SRGAP3: variants seen among roughly 807,000 people sequenced by gnomAD.
The protein encoded by SRGAP3 is SLIT-ROBO Rho GTPase-activating protein 3.
A neutral mutation model predicts 121.1 loss-of-function variants in SRGAP3; 39 were observed. The observed-to-expected ratio is 0.32, with a 90% CI of 0.25 to 0.42. The LOEUF is 0.42. Ranked by LOEUF, SRGAP3 falls within the 10% of genes least tolerant of loss-of-function variation. The pLI is 1.00. For missense variants in SRGAP3, 1,213 were observed against 1,470.6 expected (o/e 0.82, Z 2.86); for synonymous variants, 601 against 570.0 (o/e 1.05, Z -0.77).
At chr3:9,279,119 G>T (rs568245951) in intron 3 of SRGAP3, among the ~76,000 whole-genome samples, 1 of 152,186 alleles carries the variant, frequency 6.6e-6, no homozygotes, top group South Asian at 2.1e-4. Flanking sequence ...AAAAAAAAAG[G>T]GGGGGATATA....
chr3:9,023,301 A>G (rs1171057512), intron 14 of SRGAP3, among the ~76,000 whole-genome samples: 2 of 152,216 alleles, frequency 1.3e-5, no homozygotes, highest in African/African-American at 4.8e-5. Context: ...AGCTGGGGAA[A>G]ATGAAGAAAC....
intron 3 of SRGAP3, among the ~76,000 whole-genome samples, chr3:9,318,309 C>G (rs1252008911): frequency 6.6e-6 from 1 of 151,890 alleles, no homozygotes; most frequent in African/African-American, 2.4e-5. Flanking sequence ...AACCCAGAAT[C>G]TACCGGCTTA....
At chr3:8,992,715 C>T in intron 20 of SRGAP3, 191 bp downstream of exon 20, 1 of 851,756 alleles carries the variant, frequency 1.2e-6, no homozygotes, top group Non-Finnish European at 1.9e-6. Context: ...CCCTGCAACA[C>T]AGGCTGGATG....
intron 3 of SRGAP3, among the ~76,000 whole-genome samples, chr3:9,080,617 T>G (rs1423614928): frequency 1.3e-5 from 2 of 152,084 alleles, no homozygotes; most frequent in Non-Finnish European, 2.9e-5. Flanking sequence ...AGGCCACAGA[T>G]CAGTCCATGG....
At chr3:8,990,910 C>T in intron 20 of SRGAP3, 71 bp from the exon 21 acceptor site, 9 of 1,331,138 alleles carry the variant, frequency 6.8e-6, no homozygotes, top group Non-Finnish European at 9.0e-6. Context: ...ATGGGTGAGT[C>T]AACCCCATGC....
chr3:9,181,301 A>AAGG lies in SRGAP3; in HGVS notation c.68-56387_68-56385dup, dbSNP rs572217692. 1.8e-4 allele frequency among the ~76,000 whole-genome samples: 28 copies of AAGG among 152,310 alleles called. No individual in the cohort carries two copies. In the South Asian group the frequency reaches 4.8e-3, roughly 26 times the overall value. Reference sequence around the variant, plus strand: ...GCCATTTCTTTGGTTTAAGGCATTGAAGGGCCAGCCAAATGGGAAGGTAAT... The same window carrying AAGG: ...GCCATTTCTTTGGTTTAAGGCATTGAAGGAGGGCCAGCCAAATGGGAAGGTAAT... On this transcript the variant is annotated intron_variant, in intron 1 of 21. Coordinates refer to ENST00000383836, the MANE Select transcript of SRGAP3 (RefSeq NM_014850.4).
At chr3:9,147,136 G>T (rs1397677768) in intron 1 of SRGAP3, among the ~76,000 whole-genome samples, 1 of 152,154 alleles carries the variant, frequency 6.6e-6, no homozygotes, top group Non-Finnish European at 1.5e-5. Flanking sequence ...TGAAGTTCAG[G>T]GAGATTAAAT....
At position 9,160,632 on chromosome 3, in the gene SRGAP3, AC is replaced by A. The variant is rs138282873; in HGVS notation, c.68-35716del. On this transcript the variant is annotated intron_variant, in intron 1 of 21. Transcript: ENST00000383836. Reference sequence around the variant, plus strand: ...CCAACTAAGCCATTCCTGATTCTTGACCCATGGAAACTGTGTCATATGAGAA... The same window carrying A: ...CCAACTAAGCCATTCCTGATTCTTGACCATGGAAACTGTGTCATATGAGAA... Among the ~76,000 whole-genome samples the A allele has an allele frequency of 4.7e-3, 709 of 152,222 alleles. 7 individuals carry two copies. Among genetic ancestry groups the A allele is most frequent in the African/African-American group, 0.016 (682 of 41,530 alleles).
intron 3 of SRGAP3, among the ~76,000 whole-genome samples, chr3:9,309,959 C>G (rs1361313690): frequency 6.6e-6 from 1 of 152,180 alleles, no homozygotes; most frequent in Non-Finnish European, 1.5e-5. Flanking sequence ...GTACTGGGCA[C>G]AAGGTGTTAC....
chr3:9,246,489 G>A (rs545458411), intron 1 of SRGAP3, among the ~76,000 whole-genome samples: 34 of 152,276 alleles, frequency 2.2e-4, no homozygotes, highest in African/African-American at 6.3e-4. Context: ...GGGCAGCTTC[G>A]GGCAAACAAT....
intron 1 of SRGAP3, among the ~76,000 whole-genome samples, chr3:9,157,761 A>C (rs910878473): frequency 6.6e-6 from 1 of 152,250 alleles, no homozygotes; most frequent in African/African-American, 2.4e-5. Context: ...CAGGCTAAAC[A>C]GTTGAGGACA....
chr3:9,166,030 C>T (rs186248586), intron 1 of SRGAP3, among the ~76,000 whole-genome samples: 51 of 152,302 alleles, frequency 3.3e-4, no homozygotes, highest in Non-Finnish European at 2.5e-4. Context: ...TTGTTGAATA[C>T]ACAATAATGA....
chr3:9,348,906 A>G, intron 1 of SRGAP3: 1 of 1,031,636 alleles, frequency 9.7e-7, no homozygotes, highest in African/African-American at 1.6e-5. Flanking sequence ...GAGAGTCTGA[A>G]GGACACTATT....
At chr3:9,215,055 T>C (rs1044419723) in intron 1 of SRGAP3, among the ~76,000 whole-genome samples, 3 of 152,200 alleles carry the variant, frequency 2.0e-5, no homozygotes, top group African/African-American at 7.2e-5. Context: ...CTTTTTACTC[T>C]ACTTATAATA....
chr3:9,322,165 C>T (rs1231479858), intron 3 of SRGAP3, among the ~76,000 whole-genome samples: 3 of 151,498 alleles, frequency 2.0e-5, no homozygotes, highest in Non-Finnish European at 4.4e-5. Context: ...GCTGTAAAAT[C>T]GTAGATTGTG....
chr3:9,276,794 C>T (rs1439495676), intron 3 of SRGAP3, among the ~76,000 whole-genome samples: 10 of 152,236 alleles, frequency 6.6e-5, no homozygotes, highest in Admixed American at 5.9e-4. Flanking sequence ...TCAAATGTGG[C>T]CCTCTTCAAC....
chr3:9,274,757 T>G (rs1470412732), intron 3 of SRGAP3, among the ~76,000 whole-genome samples: 2 of 152,090 alleles, frequency 1.3e-5, no homozygotes, highest in Non-Finnish European at 2.9e-5. Flanking sequence ...GGTGACAGAG[T>G]GGGAAGGTAA....
intron 2 of SRGAP3, among the ~76,000 whole-genome samples, chr3:9,110,162 T>C (rs957605795): frequency 2.6e-5 from 4 of 151,980 alleles, no homozygotes; most frequent in Non-Finnish European, 4.4e-5. Context: ...GACAGGGAGA[T>C]TGACGGGATG....
chr3:8,990,120 T>G (rs1187488001), intron 21 of SRGAP3, among the ~76,000 whole-genome samples: 1 of 152,240 alleles, frequency 6.6e-6, no homozygotes. Context: ...GACGGCCACA[T>G]GATAGATGCT....
Sources: gnomAD v4.1 joint callset for allele counts (sites outside exome capture counted in the v4.1 genomes callset) on GRCh38, gnomAD v4.1.1 for gene constraint, MANE v1.5 for transcripts, NCBI Gene and HGNC (gene_info 2026-07-23, HGNC 2026-07-21) for gene names.